THSD7B: variants seen among roughly 807,000 people sequenced by gnomAD.
THSD7B encodes thrombospondin type 1 domain containing 7B.
THSD7B carries 138 observed loss-of-function variants against 213.6 expected under a neutral mutation model. The ratio of observed to expected loss-of-function variants is 0.65; its 90% CI spans 0.56 to 0.74. The LOEUF is 0.74. Among genes scored for constraint, THSD7B ranks in the 30% least tolerant of loss-of-function variants. THSD7B has a pLI of 0.00. For synonymous variants in THSD7B, 742 were observed against 687.0 expected (o/e 1.08, Z -1.25); for missense variants, 1,931 against 1,991.5 (o/e 0.97, Z 0.58).
intron 15 of THSD7B, among the ~76,000 whole-genome samples, chr2:137,462,242 C>T (rs1487233170): frequency 1.3e-5 from 2 of 151,872 alleles, no homozygotes; most frequent in African/African-American, 4.8e-5. Flanking sequence ...CTTAGTAGTC[C>T]TCTTGGTTAT....
chr2:137,607,033 G>A (rs1054614822), intron 17 of THSD7B, among the ~76,000 whole-genome samples: 3 of 152,122 alleles, frequency 2.0e-5, no homozygotes, highest in African/African-American at 7.2e-5. Flanking sequence ...GAGTTAATTG[G>A]AAGGAGAAGT....
At chr2:136,801,634 G>A (rs1351495376) in intron 1 of THSD7B, among the ~76,000 whole-genome samples, 1 of 152,038 alleles carries the variant, frequency 6.6e-6, no homozygotes, top group Non-Finnish European at 1.5e-5. Context: ...AAGAAAAATG[G>A]CGGTGGAGCA....
At chr2:137,468,458 C>G (rs1054873223) in intron 15 of THSD7B, among the ~76,000 whole-genome samples, 5 of 151,672 alleles carry the variant, frequency 3.3e-5, no homozygotes, top group African/African-American at 1.2e-4. Flanking sequence ...CTGGTTTGTC[C>G]TCTAAACTTG....
chr2:136,926,856 T>G (rs905803439), intron 2 of THSD7B, among the ~76,000 whole-genome samples: 1 of 152,106 alleles, frequency 6.6e-6, no homozygotes, highest in Admixed American at 6.5e-5. Context: ...CATCACTCAC[T>G]AAGTCCCTTT....
chr2:136,771,818 A>G (rs1192656939), intron 1 of THSD7B, among the ~76,000 whole-genome samples: 2 of 152,132 alleles, frequency 1.3e-5, no homozygotes, highest in Admixed American at 6.5e-5. Context: ...GAAAATGTTG[A>G]AGAGGGGAGT....
At chr2:137,196,031 A>G (rs998705886) in intron 7 of THSD7B, among the ~76,000 whole-genome samples, 3 of 152,240 alleles carry the variant, frequency 2.0e-5, no homozygotes, top group African/African-American at 7.2e-5. Flanking sequence ...TGACATGATC[A>G]TAGAGATGAC....
At chr2:136,788,892 G>A (rs1681914588) in intron 1 of THSD7B, among the ~76,000 whole-genome samples, 1 of 152,182 alleles carries the variant, frequency 6.6e-6, no homozygotes, top group African/African-American at 2.4e-5. Context: ...GTTATTTTCA[G>A]CAGATCATTT....
intron 17 of THSD7B, among the ~76,000 whole-genome samples, chr2:137,576,459 C>G (rs533423179): frequency 6.6e-6 from 1 of 152,104 alleles, no homozygotes. Flanking sequence ...AAGGAAACTT[C>G]ATGATCAAAA....
intron 17 of THSD7B, among the ~76,000 whole-genome samples, chr2:137,588,444 G>A (rs1310233437): frequency 6.7e-6 from 1 of 148,414 alleles, no homozygotes; most frequent in Non-Finnish European, 1.5e-5. Context: ...GCTATTTGAT[G>A]TTTTAAAATA....
At position 136,864,842 on chromosome 2, in the gene THSD7B, G is replaced by A. The variant is rs146842991; in HGVS notation, c.-35-17302G>A. Among the ~76,000 whole-genome samples the A allele has an allele frequency of 3.6e-3, 553 of 152,244 alleles. 2 individuals are homozygous for A. Among genetic ancestry groups the A allele is most frequent in the African/African-American group, 0.013 (529 of 41,548 alleles). ...GTTGGGATTACAGGCGTGAGCCACC[G>A]TGCCTGGCCTATTTTTATACTCTTG... On this transcript the variant is annotated intron_variant, in intron 1 of 27. Coordinates refer to ENST00000409968, the MANE Select transcript of THSD7B (RefSeq NM_001316349.2).
chr2:137,619,855 T>C (rs938665808), intron 19 of THSD7B, among the ~76,000 whole-genome samples: 1 of 152,330 alleles, frequency 6.6e-6, no homozygotes, highest in Admixed American at 6.5e-5. Flanking sequence ...TGGCAAGTCA[T>C]TGTACTATAA....
intron 10 of THSD7B, among the ~76,000 whole-genome samples, chr2:137,252,156 A>G (rs1039031287): frequency 6.6e-6 from 1 of 150,390 alleles, no homozygotes; most frequent in African/African-American, 2.4e-5. Context: ...AATCCCAGCT[A>G]CTCGTGAGGC....
chr2:136,997,830 C>G (rs945258294), intron 2 of THSD7B, among the ~76,000 whole-genome samples: 1 of 152,064 alleles, frequency 6.6e-6, no homozygotes, highest in Non-Finnish European at 1.5e-5. Context: ...CAGAAGGAAG[C>G]TGAGCTCAAA....
intron 16 of THSD7B, among the ~76,000 whole-genome samples, chr2:137,567,983 A>C (rs1430519480): frequency 3.9e-5 from 6 of 152,144 alleles, no homozygotes; most frequent in Admixed American, 6.6e-5. Context: ...GACTAAGAAA[A>C]AAACTGGAAT....
intron 4 of THSD7B, among the ~76,000 whole-genome samples, chr2:137,103,978 CA>C (rs1201331393): frequency 5.3e-5 from 8 of 152,082 alleles, no homozygotes; most frequent in Non-Finnish European, 2.9e-5. Context: ...ATCAACGAGA[CA>C]GAAAATTAAC....
At chr2:137,426,438 A>G (rs1230771270) in intron 14 of THSD7B, among the ~76,000 whole-genome samples, 1 of 152,168 alleles carries the variant, frequency 6.6e-6, no homozygotes, top group African/African-American at 2.4e-5. Context: ...TATCTTACAA[A>G]GCTATAGTCA....
intron 15 of THSD7B, among the ~76,000 whole-genome samples, chr2:137,543,720 T>C (rs1417185178): frequency 6.6e-6 from 1 of 151,658 alleles, no homozygotes; most frequent in Non-Finnish European, 1.5e-5. Context: ...ATACATCTGA[T>C]AAGGGTGTAG....
intron 15 of THSD7B, among the ~76,000 whole-genome samples, chr2:137,555,450 C>T (rs1170798237): frequency 3.9e-5 from 6 of 152,220 alleles, no homozygotes; most frequent in Non-Finnish European, 8.8e-5. Context: ...AGTGGACCTC[C>T]AGCAAACTCC....
intron 20 of THSD7B, among the ~76,000 whole-genome samples, chr2:137,621,865 C>A (rs1314611668): frequency 6.6e-6 from 1 of 152,120 alleles, no homozygotes; most frequent in Admixed American, 6.5e-5. Context: ...GCAGCTGCAT[C>A]TGGTGAAAGC....
Sources: allele counts gnomAD v4.1 joint callset (sites outside exome capture counted in the v4.1 genomes callset), GRCh38; gene constraint gnomAD v4.1.1; transcripts MANE v1.5; gene names NCBI Gene and HGNC (gene_info 2026-07-23, HGNC 2026-07-21).